Variants in SLC39A11 observed in about 807,000 individuals in gnomAD.
SLC39A11 encodes zinc transporter ZIP11.
SLC39A11 carries 33 observed loss-of-function variants against 36.1 expected under a neutral mutation model. The ratio of observed to expected loss-of-function variants is 0.91; its 90% CI spans 0.69 to 1.22. SLC39A11 has a LOEUF of 1.22. SLC39A11 is among the 50% of genes most tolerant of loss of function. The pLI, the probability that SLC39A11 is intolerant of heterozygous loss-of-function variation, is 0.00. For missense variants in SLC39A11, 432 were observed against 430.3 expected (o/e 1.00, Z -0.03); for synonymous variants, 166 against 170.3 (o/e 0.97, Z 0.20).
chr17:72,996,719 G>T (rs1478886863), intron 4 of SLC39A11, among the ~76,000 whole-genome samples: 1 of 152,112 alleles, frequency 6.6e-6, no homozygotes, highest in Non-Finnish European at 1.5e-5. Context: ...CATCTGCAAA[G>T]ACCCTTTTTC....
At chr17:72,871,466 G>C (rs997393685) in intron 5 of SLC39A11, among the ~76,000 whole-genome samples, 9 of 152,182 alleles carry the variant, frequency 5.9e-5, no homozygotes, top group Non-Finnish European at 1.0e-4. Context: ...ACAATCATGA[G>C]ATTAGAGAGT....
intron 4 of SLC39A11, among the ~76,000 whole-genome samples, chr17:72,978,189 G>T (rs1229658117): frequency 6.7e-6 from 1 of 149,968 alleles, no homozygotes; most frequent in Admixed American, 6.6e-5. Context: ...GCCCTTAGGC[G>T]TTCCCTGCCT....
At position 72,866,150 on chromosome 17, in the gene SLC39A11, C is replaced by T. The variant is rs143303224; in HGVS notation, c.431-16346G>A. Among the ~76,000 whole-genome samples, 1,420 of 152,288 alleles carry T rather than the reference C, an allele frequency of 9.3e-3. 22 individuals are homozygous for T. Among genetic ancestry groups the T allele is most frequent in the East Asian group, 0.024 (126 of 5,180 alleles). ...ATTGACAGCCGCTCCCCATCGTTCA[C>T]GTTACCACCTAAGCTCCACCTCCCG... On this transcript the variant is annotated intron_variant, in intron 5 of 9. Transcript: ENST00000255559.
chr17:72,904,530 C>T (rs2082553213), intron 5 of SLC39A11, among the ~76,000 whole-genome samples: 1 of 152,140 alleles, frequency 6.6e-6, no homozygotes, highest in Admixed American at 6.5e-5. Context: ...AGGTGCAGGG[C>T]CACTCTGAGG....
At chr17:72,666,679 C>T (rs994515045) in intron 7 of SLC39A11, among the ~76,000 whole-genome samples, 1 of 152,172 alleles carries the variant, frequency 6.6e-6, no homozygotes, top group Admixed American at 6.5e-5. Flanking sequence ...CCTCCTCTTC[C>T]TTCAGGGAGA....
chr17:72,800,651 G>T (rs1350729353), intron 6 of SLC39A11, among the ~76,000 whole-genome samples: 1 of 152,102 alleles, frequency 6.6e-6, no homozygotes, highest in East Asian at 1.9e-4. Flanking sequence ...CTTGGCGGCT[G>T]GGGGTCACTG....
chr17:72,934,322 G>A (rs2084611340), intron 5 of SLC39A11, among the ~76,000 whole-genome samples: 1 of 152,136 alleles, frequency 6.6e-6, no homozygotes, highest in African/African-American at 2.4e-5. Flanking sequence ...GGGAGAAAAA[G>A]AAATGCAAAT....
chr17:73,084,755 A>C, intron 3 of SLC39A11, 53 bp downstream of exon 3: 1 of 1,594,650 alleles, frequency 6.3e-7, no homozygotes, highest in Non-Finnish European at 8.6e-7. Context: ...TGGCAGACAC[A>C]TGTCAGAATC....
chr17:72,837,456 C>T (rs1364708507), intron 6 of SLC39A11, among the ~76,000 whole-genome samples: 1 of 150,098 alleles, frequency 6.7e-6, no homozygotes. Flanking sequence ...TCAAAGGACT[C>T]TGCTGGATGG....
chr17:72,949,742 A>C (rs2147766879), intron 4 of SLC39A11, among the ~76,000 whole-genome samples: 1 of 152,106 alleles, frequency 6.6e-6, no homozygotes, highest in African/African-American at 2.4e-5. Flanking sequence ...GAGGGGATGC[A>C]AACATTTTCA....
chr17:72,679,968 G>A (rs1163866792), intron 7 of SLC39A11, among the ~76,000 whole-genome samples: 1 of 148,916 alleles, frequency 6.7e-6, no homozygotes, highest in Non-Finnish European at 1.5e-5. Context: ...CATGAACCTG[G>A]GAGGCAGAGG....
chr17:73,035,939 C>T (rs1160788243), intron 3 of SLC39A11, among the ~76,000 whole-genome samples: 1 of 149,240 alleles, frequency 6.7e-6, no homozygotes. Flanking sequence ...AGGCTATAGT[C>T]AGAAAGAGAT....
chr17:72,791,280 C>T (rs1229205550), intron 6 of SLC39A11, among the ~76,000 whole-genome samples: 2 of 152,148 alleles, frequency 1.3e-5, no homozygotes, highest in Non-Finnish European at 2.9e-5. Flanking sequence ...CATGGTAAAA[C>T]CCTGTCTCTA....
At chr17:73,088,480 G>A (rs1599245083) in intron 2 of SLC39A11, among the ~76,000 whole-genome samples, 177 bp downstream of exon 2, 2 of 152,004 alleles carry the variant, frequency 1.3e-5, no homozygotes, top group Admixed American at 6.6e-5. Flanking sequence ...CTGTTCTCCC[G>A]GCCTGGCAGG....
chr17:73,015,897 G>C (rs1358075433), intron 4 of SLC39A11, among the ~76,000 whole-genome samples: 1 of 152,034 alleles, frequency 6.6e-6, no homozygotes, highest in Non-Finnish European at 1.5e-5. Context: ...GGAGATTAGA[G>C]CAAAATGAAA....
chr17:72,949,353 G>A (rs941583927), intron 4 of SLC39A11, among the ~76,000 whole-genome samples: 5 of 151,496 alleles, frequency 3.3e-5, no homozygotes, highest in Non-Finnish European at 7.4e-5. Flanking sequence ...TGGAGATAGG[G>A]TTTCACCATG....
At chr17:72,910,856 G>A (rs1451664134) in intron 5 of SLC39A11, among the ~76,000 whole-genome samples, 2 of 150,134 alleles carry the variant, frequency 1.3e-5, no homozygotes, top group South Asian at 2.1e-4. Flanking sequence ...GAACCCAGAA[G>A]GCAGAGGTTG....
rs1472530342 is a variant in SLC39A11 at position 73,088,328 on chromosome 17, T to C, written c.108+329A>G. ...AAGAAAAAAGAAAAAAGAAAAGAAA[T>C]TACATGGCAGGTAGAAATTAGGCAG... On this transcript the variant is annotated intron_variant, in intron 2 of 9. Coordinates refer to ENST00000255559, the MANE Select transcript of SLC39A11 (RefSeq NM_139177.4). 2.0e-5 allele frequency among the ~76,000 whole-genome samples: 3 copies of C among 150,528 alleles called. No homozygotes were observed. In the East Asian group the frequency reaches 5.9e-4, roughly 29 times the overall value.
chr17:72,817,824 T>C (rs2077634210), intron 6 of SLC39A11: 1 of 152,120 alleles, frequency 6.6e-6, no homozygotes, highest in Non-Finnish European at 1.5e-5. Context: ...TAAAGACATA[T>C]CCAAGACTGG....
Sources: allele counts gnomAD v4.1 joint callset (sites outside exome capture counted in the v4.1 genomes callset), GRCh38; gene constraint gnomAD v4.1.1; transcripts MANE v1.5; gene names NCBI Gene and HGNC (gene_info 2026-07-23, HGNC 2026-07-21).